Variants in DPYD observed in about 807,000 individuals in gnomAD.
DPYD encodes dihydropyrimidine dehydrogenase [NADP(+)].
A neutral mutation model predicts 116.2 loss-of-function variants in DPYD; 109 were observed. The observed-to-expected ratio is 0.94, with a 90% CI of 0.80 to 1.10. The LOEUF is 1.10. DPYD is among the 50% of genes least tolerant of loss of function. The pLI is 0.00. For missense variants in DPYD, 1,302 were observed against 1,254.5 expected (o/e 1.04, Z -0.57); for synonymous variants, 440 against 432.0 (o/e 1.02, Z -0.23).
chr1:97,198,975 AG>A (rs1199192333), intron 19 of DPYD, among the ~76,000 whole-genome samples: 1 of 152,150 alleles, frequency 6.6e-6, no homozygotes, highest in African/African-American at 2.4e-5. Context: ...GGTCTGACAC[AG>A]TGCCCTGAAT....
chr1:97,153,999 G>A (rs1184299461), intron 20 of DPYD, among the ~76,000 whole-genome samples: 1 of 149,826 alleles, frequency 6.7e-6, no homozygotes, highest in Non-Finnish European at 1.5e-5. Context: ...AGATGTTGGC[G>A]TGGATATCGT....
intron 10 of DPYD, among the ~76,000 whole-genome samples, chr1:97,575,133 G>T (rs753344671): frequency 6.6e-6 from 1 of 152,140 alleles, no homozygotes; most frequent in Non-Finnish European, 1.5e-5. Flanking sequence ...CTGAGGATTT[G>T]CATGTCTAAC....
chr1:97,729,956 C>T (rs994558507), intron 4 of DPYD, among the ~76,000 whole-genome samples: 3 of 152,104 alleles, frequency 2.0e-5, no homozygotes, highest in Non-Finnish European at 4.4e-5. Context: ...TATCAAAACC[C>T]ATTCTTTTCA....
chr1:97,618,384 T>C (rs1404194953), intron 8 of DPYD, among the ~76,000 whole-genome samples: 2 of 150,932 alleles, frequency 1.3e-5, no homozygotes, highest in East Asian at 1.9e-4. Flanking sequence ...TTTCTTTTTT[T>C]TTTTTTTTCT....
chr1:97,275,161 A>C (rs1196279733), intron 18 of DPYD, among the ~76,000 whole-genome samples: 2 of 152,168 alleles, frequency 1.3e-5, no homozygotes, highest in Admixed American at 1.3e-4. Flanking sequence ...ATGGCAACAG[A>C]AAAGGCTGGA....
At chr1:97,084,352 C>T (rs912424938) in intron 21 of DPYD, among the ~76,000 whole-genome samples, 8 of 151,656 alleles carry the variant, frequency 5.3e-5, no homozygotes, top group Admixed American at 1.3e-4. Flanking sequence ...AAAGACATCT[C>T]GAATGCCACT....
intron 18 of DPYD, among the ~76,000 whole-genome samples, chr1:97,287,157 A>G (rs1007360760): frequency 2.6e-5 from 4 of 152,168 alleles, no homozygotes; most frequent in Admixed American, 2.6e-4. Flanking sequence ...CAGGACCCTC[A>G]GCTGCAGGTC....
chr1:97,797,341 AAGGAAATTCATTTC>A (rs1667623317), intron 3 of DPYD: 1 of 152,156 alleles, frequency 6.6e-6, no homozygotes, highest in African/African-American at 2.4e-5. Context: ...AATTTTGCTC[AAGGAAATTCATTTC>A]AGTAGGAAGA....
intron 13 of DPYD, among the ~76,000 whole-genome samples, chr1:97,509,537 G>A (rs1014540674): frequency 2.0e-5 from 3 of 151,982 alleles, no homozygotes; most frequent in African/African-American, 7.2e-5. Flanking sequence ...AACGTGTTCA[G>A]TTGAGTGTTT....
At chr1:97,741,095 C>T (rs926877923) in intron 3 of DPYD, among the ~76,000 whole-genome samples, 1 of 152,146 alleles carries the variant, frequency 6.6e-6, no homozygotes, top group Admixed American at 6.6e-5. Flanking sequence ...TGCCTTCCCT[C>T]TGCTGCTGAA....
chr1:97,428,385 G>A (rs1303721309), intron 14 of DPYD, among the ~76,000 whole-genome samples: 3 of 152,102 alleles, frequency 2.0e-5, no homozygotes, highest in African/African-American at 7.2e-5. Flanking sequence ...AAGAAAGGCA[G>A]TTCTTCAAAT....
intron 3 of DPYD, among the ~76,000 whole-genome samples, chr1:97,800,485 G>A (rs1396604448): frequency 1.3e-5 from 2 of 151,828 alleles, no homozygotes; most frequent in Non-Finnish European, 1.5e-5. Flanking sequence ...ACACTGCACA[G>A]CAATGGAACT....
intron 2 of DPYD, among the ~76,000 whole-genome samples, chr1:97,875,777 C>T (rs903128412): frequency 6.6e-6 from 1 of 151,906 alleles, no homozygotes; most frequent in African/African-American, 2.4e-5. Context: ...TAAATTTACA[C>T]ATTAATAATA....
intron 20 of DPYD, among the ~76,000 whole-genome samples, chr1:97,118,934 G>T (rs56365931): frequency 6.6e-6 from 1 of 151,620 alleles, no homozygotes; most frequent in South Asian, 2.1e-4. Context: ...AAACAGGAAA[G>T]AAAAAAAATA....
intron 14 of DPYD, among the ~76,000 whole-genome samples, chr1:97,412,008 T>C (rs1395098169): frequency 1.3e-5 from 2 of 152,224 alleles, no homozygotes; most frequent in Non-Finnish European, 2.9e-5. Context: ...ACTTCTATGA[T>C]AATACACATG....
At chr1:97,823,920 C>A (rs1291341787) in intron 3 of DPYD, among the ~76,000 whole-genome samples, 3 of 54,392 alleles carry the variant, frequency 5.5e-5, no homozygotes, top group Non-Finnish European at 7.5e-5. Context: ...AGTAAACAAA[C>A]AAACAAAAAA....
intron 5 of DPYD, among the ~76,000 whole-genome samples, chr1:97,718,603 G>T (rs1662749896): frequency 6.6e-6 from 1 of 151,776 alleles, no homozygotes; most frequent in Non-Finnish European, 1.5e-5. Flanking sequence ...GGAAGACTGG[G>T]ATTTTTTAAT....
chr1:97,166,634 T>TA (rs1391403290), intron 20 of DPYD, among the ~76,000 whole-genome samples: 2 of 152,130 alleles, frequency 1.3e-5, no homozygotes, highest in Non-Finnish European at 2.9e-5. Context: ...TGGGAAAAAT[T>TA]AACTTTTCTT....
chr1:97,693,290 CAAAAAAAAAAA>C (rs201872835), intron 6 of DPYD, among the ~76,000 whole-genome samples: 23 of 41,842 alleles, frequency 5.5e-4, no homozygotes, highest in South Asian at 3.7e-3. Flanking sequence ...GACTCCGTCT[CAAAAAAAAAAA>C]AAAAAAAAAA....
Sources: gnomAD v4.1 joint callset for allele counts (sites outside exome capture counted in the v4.1 genomes callset) on GRCh38, gnomAD v4.1.1 for gene constraint, MANE v1.5 for transcripts, NCBI Gene and HGNC (gene_info 2026-07-23, HGNC 2026-07-21) for gene names.